The following CFAP100 variants were observed in gnomAD, a reference collection of about 807,000 sequenced individuals.
CFAP100 encodes the protein cilia- and flagella-associated protein 100.
Under a neutral mutation model 81.5 loss-of-function variants are expected in CFAP100, and 70 were observed. The ratio of observed to expected loss-of-function variants is 0.86; its 90% CI spans 0.71 to 1.05. CFAP100 has a LOEUF of 1.05. CFAP100 is among the 50% of genes least tolerant of loss of function. The pLI is 0.00. For missense variants in CFAP100, 811 were observed against 776.5 expected, an observed-to-expected ratio of 1.04 and a Z score of -0.53; for synonymous variants, 341 against 314.8, an observed-to-expected ratio of 1.08 and a Z score of -0.88.
chr3:126,417,461 G>A (rs2083261823), intron 5 of CFAP100, among the ~76,000 whole-genome samples: 1 of 152,194 alleles, frequency 6.6e-6, no homozygotes, highest in Non-Finnish European at 1.5e-5. Context: ...AACACACAAG[G>A]GCCTCCAGCC....
chr3:126,435,779 CAGGCTGCCTTCGGAGCA>C, intron 16 of CFAP100, 127 bp downstream of exon 16: 4 of 717,216 alleles, frequency 5.6e-6, no homozygotes, highest in Non-Finnish European at 9.1e-6. Context: ...CTGAGGGAGA[CAGGCTGCCTTCGGAGCA>C]AGGCCTCTCC....
intron 16 of CFAP100, 93 bp from the exon 17 acceptor site, chr3:126,436,198 G>A: frequency 1.1e-6 from 1 of 906,522 alleles, no homozygotes. Flanking sequence ...GAGGTGACTG[G>A]AGCTGCTGGG....
At chr3:126,401,699 G>A (rs998194763) in intron 2 of CFAP100, among the ~76,000 whole-genome samples, 23 of 151,984 alleles carry the variant, frequency 1.5e-4, no homozygotes, top group Non-Finnish European at 2.4e-4. Context: ...GGGAGGGGGA[G>A]GAGATGGAGG....
intron 15 of CFAP100, 98 bp from the exon 16 acceptor site, chr3:126,435,461 C>A: frequency 1.1e-6 from 1 of 932,804 alleles, no homozygotes; most frequent in Non-Finnish European, 1.6e-6. Flanking sequence ...TGGGAGTTTT[C>A]TTGAGGGAGG....
At chr3:126,397,113 C>T (rs1259786042) in intron 2 of CFAP100, among the ~76,000 whole-genome samples, 1 of 152,156 alleles carries the variant, frequency 6.6e-6, no homozygotes, top group African/African-American at 2.4e-5. Context: ...ACCCTGTCTG[C>T]ACCTTGATTT....
At position 126,416,395 on chromosome 3, in the gene CFAP100, T is replaced by TGCGGCG; in HGVS notation, c.308_313dup (p.Arg103_Arg104dup). 1 of 1,611,968 alleles carries TGCGGCG rather than the reference T, an allele frequency of 6.2e-7. No individual in the cohort carries two copies. On this transcript the variant is annotated inframe_insertion, in exon 5 of 17. Transcript: ENST00000352312. ...AAAGTGTCGGCTAAGCACACCAGCC[T>TGCGGCG]GCGGCGGCAGCTGCAGCTGGAGGAC...
In CFAP100 at chr3:126,434,201, G is replaced by T; in HGVS notation, c.1448G>T (p.Cys483Phe). 6.2e-7 allele frequency: 1 copy of T among 1,612,972 alleles called. No individual in the cohort carries two copies. The change falls in exon 15 of 17, where the codon TGC (cysteine) becomes TTC (phenylalanine). Residue 483 changes from cysteine (C) to phenylalanine (F), a missense_variant. Coordinates refer to ENST00000352312, the MANE Select transcript of CFAP100 (RefSeq NM_182628.3). ...QQDKLLESLN[C>F]KVLDVYRHCT... ...GATAAGCTGCTAGAGAGCCTGAACT[G>T]CAAGGTGCTGGATGTGTACCGGCAC...
At chr3:126,426,605 C>A (rs1932952785) in intron 13 of CFAP100, among the ~76,000 whole-genome samples, 1 of 152,102 alleles carries the variant, frequency 6.6e-6, no homozygotes, top group African/African-American at 2.4e-5. Context: ...AAAAAATTAG[C>A]TGGGCGTGGT....
At chr3:126,433,507 C>G in intron 14 of CFAP100, 1 of 331,690 alleles carries the variant, frequency 3.0e-6, no homozygotes, top group East Asian at 6.4e-5. Flanking sequence ...GGCGTGTCCT[C>G]AAGCCAGGCT....
intron 4 of CFAP100, 120 bp downstream of exon 4, chr3:126,414,299 T>G (rs1354143009): frequency 3.8e-6 from 3 of 792,864 alleles, no homozygotes; most frequent in Admixed American, 3.4e-5. Flanking sequence ...CATTCCAGAA[T>G]AGTCAATAGC....
At chr3:126,419,909 C>T in intron 9 of CFAP100, 71 bp from the exon 10 acceptor site, 1 of 1,611,896 alleles carries the variant, frequency 6.2e-7, no homozygotes, top group East Asian at 2.2e-5. Context: ...CTGCAGGCAT[C>T]TGGGCCACAT....
rs747611162 is a variant in CFAP100 at position 126,414,106 on chromosome 3, C to T, written c.152C>T (p.Ala51Val). The change falls in exon 4 of 17, where the codon GCG becomes GTG. Residue 51 changes from alanine to valine, a missense_variant. Physicochemically the swap from Ala to Val is moderately conservative, Grantham distance 64 (BLOSUM62 0). Transcript: ENST00000352312. ...KNEEHGPDPS[A>V]NPFHLSGDVD... Reference sequence around the variant, plus strand: ...CCAGAACATGGTCCTGACCCTTCAGCGAACCCTTTCCACTTATCTGGGGAT... The same window carrying T: ...CCAGAACATGGTCCTGACCCTTCAGTGAACCCTTTCCACTTATCTGGGGAT... 19 of 1,613,812 alleles carry T rather than the reference C, an allele frequency of 1.2e-5. 1 individual carries two copies. Among genetic ancestry groups the T allele is most frequent in the South Asian group, 5.5e-5 (5 of 91,070 alleles).
In CFAP100 at chr3:126,436,324, C is replaced by T. The variant is rs1173764867; in HGVS notation, c.1756C>T (p.Pro586Ser). ...GRTLVCRSRP[P>S]AHRIKQQSEH... ...GACACTGGTATGCCGCTCACGACCC[C>T]CAGCCCACAGGATCAAACAACAGTC... Residue 586 changes from proline (P) to serine (S), a missense_variant, in exon 17 of 17, where the codon CCA becomes TCA. Pro to Ser is a moderately conservative substitution (Grantham distance 74, BLOSUM62 -1). Coordinates refer to ENST00000352312, the MANE Select transcript of CFAP100 (RefSeq NM_182628.3). The T allele has an allele frequency of 6.2e-7, 1 of 1,613,932 alleles. No homozygotes were observed. Among genetic ancestry groups the T allele is most frequent in the Non-Finnish European group, 8.5e-7 (1 of 1,179,936 alleles).
chr3:126,436,466 A>G lies in CFAP100; in HGVS notation c.*62A>G. On this transcript the variant is annotated 3_prime_UTR_variant, in exon 17 of 17. Coordinates refer to ENST00000352312, the MANE Select transcript of CFAP100 (RefSeq NM_182628.3). ...GCAAAGATGTTGGCAGAGGAAGCAG[A>G]GACTGGGCTGGGTCTCGAGTGGCCC... 1 of 1,346,940 alleles carries G rather than the reference A, an allele frequency of 7.4e-7. No individual in the cohort carries two copies. The highest frequency in any genetic ancestry group is 1.0e-6 in the Non-Finnish European group (1 of 955,840). 83.4% of individuals were successfully genotyped at this position (1,346,940 alleles called of 1,614,324 possible).
intron 2 of CFAP100, among the ~76,000 whole-genome samples, chr3:126,404,112 T>C (rs2083027058): frequency 6.6e-6 from 1 of 152,192 alleles, no homozygotes; most frequent in Non-Finnish European, 1.5e-5. Flanking sequence ...AGAAGATGGA[T>C]AATTAACATC....
intron 2 of CFAP100, among the ~76,000 whole-genome samples, chr3:126,402,406 A>G (rs1177778480): frequency 6.6e-6 from 1 of 152,102 alleles, no homozygotes; most frequent in Non-Finnish European, 1.5e-5. Flanking sequence ...AGCCCGAGGG[A>G]AAGGGGGACG....
intron 2 of CFAP100, chr3:126,396,450 T>C: frequency 5.3e-6 from 1 of 188,970 alleles, no homozygotes; most frequent in Non-Finnish European, 1.1e-5. Flanking sequence ...TGTGGAATTC[T>C]GCCTGTGTGT....
chr3:126,428,932 C>A (rs946144765), intron 13 of CFAP100, among the ~76,000 whole-genome samples: 6 of 151,782 alleles, frequency 4.0e-5, no homozygotes, highest in Admixed American at 2.6e-4. Context: ...CATAGTGAAA[C>A]CCTGTCTTTA....
chr3:126,401,331 TTTATG>T (rs1248934918), intron 2 of CFAP100, among the ~76,000 whole-genome samples: 7 of 148,022 alleles, frequency 4.7e-5, no homozygotes, highest in South Asian at 4.2e-4. Flanking sequence ...AATAGCAAGT[TTTATG>T]TTATATTTAT....
Sources: gnomAD v4.1 joint callset for allele counts (sites outside exome capture counted in the v4.1 genomes callset) on GRCh38, gnomAD v4.1.1 for gene constraint, MANE v1.5 for transcripts, NCBI Gene and HGNC (gene_info 2026-07-23, HGNC 2026-07-21) for gene names.